The following C9orf153 variants were observed in gnomAD, a reference collection of about 807,000 sequenced individuals.
The protein encoded by C9orf153 is uncharacterized protein C9orf153.
A neutral mutation model predicts 9.0 loss-of-function variants in C9orf153; 10 were observed. The ratio of observed to expected loss-of-function variants is 1.11; its 90% CI spans 0.69 to 1.89. C9orf153 has a LOEUF of 1.89. Among genes scored for constraint, C9orf153 ranks in the 40% most tolerant of loss-of-function variants. The pLI, the probability that C9orf153 is intolerant of heterozygous loss-of-function variation, is 0.00. For missense variants in C9orf153, 108 were observed against 111.0 expected, an observed-to-expected ratio of 0.97 and a Z score of 0.12; for synonymous variants, 35 against 37.3, an observed-to-expected ratio of 0.94 and a Z score of 0.23.
chr9:86,225,124 C>T (rs1476360304), intron 3 of C9orf153, among the ~76,000 whole-genome samples: 1 of 151,974 alleles, frequency 6.6e-6, no homozygotes, highest in African/African-American at 2.4e-5. Context: ...ACGGCAACAC[C>T]CACTCTCTTT....
At chr9:86,256,563 A>G (rs1390372905) in intron 1 of C9orf153, among the ~76,000 whole-genome samples, 1 of 152,198 alleles carries the variant, frequency 6.6e-6, no homozygotes, top group Non-Finnish European at 1.5e-5. Context: ...AATCATTACT[A>G]TGTTATTTTC....
rs1824416654 is a variant in C9orf153, at chr9:86,229,551, A to C, written c.53T>G (p.Leu18Arg). 6.2e-7 allele frequency: 1 copy of C among 1,610,040 alleles called. No homozygotes were observed. The highest frequency in any genetic ancestry group is 1.3e-5 in the African/African-American group (1 of 74,848). ...SPAEDNREAT[L>R]PQCSLPELYA... ...TTAAGTACATACTGAACATTGAGGA[A>C]GGGTGGCTTCTCTATTGTCCTCAGC... Residue 18 changes from leucine (L) to arginine (R), a missense_variant, in exon 2 of 4, where the codon CTT becomes CGT. Physicochemically the swap from Leu to Arg is moderately radical, Grantham distance 102 (BLOSUM62 -2). Transcript: ENST00000339137.
chr9:86,248,203 G>A (rs1291771665), intron 1 of C9orf153, among the ~76,000 whole-genome samples: 1 of 151,008 alleles, frequency 6.6e-6, no homozygotes, highest in Admixed American at 6.6e-5. Context: ...GTGAGATCTC[G>A]GCTCACTGCA....
intron 1 of C9orf153, among the ~76,000 whole-genome samples, chr9:86,252,262 G>C (rs1382204974): frequency 6.6e-6 from 1 of 152,132 alleles, no homozygotes; most frequent in Non-Finnish European, 1.5e-5. Context: ...TCAAACTCCT[G>C]ACCTCAAATG....
intron 1 of C9orf153, among the ~76,000 whole-genome samples, chr9:86,256,850 T>G (rs1825131845): frequency 6.6e-6 from 1 of 152,210 alleles, no homozygotes; most frequent in Non-Finnish European, 1.5e-5. Flanking sequence ...GAACAGCGCA[T>G]AGCCAGTCAA....
At chr9:86,257,647 A>G (rs1825151244) in intron 1 of C9orf153, among the ~76,000 whole-genome samples, 1 of 152,212 alleles carries the variant, frequency 6.6e-6, no homozygotes, top group East Asian at 1.9e-4. Flanking sequence ...GTAGGCACTC[A>G]GTAATTTTAG....
At chr9:86,257,938 G>A (rs975608745) in intron 1 of C9orf153, among the ~76,000 whole-genome samples, 2 of 152,308 alleles carry the variant, frequency 1.3e-5, no homozygotes, top group South Asian at 2.1e-4. Flanking sequence ...TAACGTGGAG[G>A]GGGAGAGAGC....
intron 1 of C9orf153, among the ~76,000 whole-genome samples, chr9:86,249,558 T>C (rs200779220): frequency 7.9e-5 from 6 of 75,988 alleles, no homozygotes; most frequent in African/African-American, 2.5e-4. Context: ...CTTTTTTTTT[T>C]TTTTTTTTGA....
At chr9:86,250,411 G>A (rs190723307) in intron 1 of C9orf153, among the ~76,000 whole-genome samples, 4 of 152,104 alleles carry the variant, frequency 2.6e-5, no homozygotes, top group Non-Finnish European at 4.4e-5. Flanking sequence ...AGGTCACAGA[G>A]GCCTTGAGGC....
At chr9:86,255,713 G>A (rs1463910913) in intron 1 of C9orf153, among the ~76,000 whole-genome samples, 1 of 152,148 alleles carries the variant, frequency 6.6e-6, no homozygotes, top group Admixed American at 6.5e-5. Context: ...TGGGCGTTTG[G>A]AGCAATCATT....
At chr9:86,243,459 T>C (rs538117577) in intron 1 of C9orf153, among the ~76,000 whole-genome samples, 4 of 136,940 alleles carry the variant, frequency 2.9e-5, no homozygotes, top group African/African-American at 1.2e-4. Flanking sequence ...TTTTTTCTTT[T>C]TCTTTTCTTC....
At position 86,249,450 on chromosome 9, in the gene C9orf153, G is replaced by A. The variant is rs1824944518; in HGVS notation, c.-27+10100C>T. ...TCTTCTTCATGTATATATACAATACGTATCAAAAGCAGTAAACTAGCTCAC... is the reference window on the plus strand; with the variant it reads ...TCTTCTTCATGTATATATACAATACATATCAAAAGCAGTAAACTAGCTCAC... On this transcript the variant is annotated intron_variant, in intron 1 of 3. Coordinates refer to ENST00000339137, the MANE Select transcript of C9orf153 (RefSeq NM_001276366.4). 2.0e-5 allele frequency among the ~76,000 whole-genome samples: 3 copies of A among 151,768 alleles called. No homozygotes were observed. The South Asian group carries it at 6.2e-4, about 32-fold the overall frequency.
In C9orf153 at chr9:86,221,629, T is replaced by C. The variant is rs911560024; in HGVS notation, c.*59A>G. The C allele has an allele frequency of 5.3e-5, 82 of 1,539,532 alleles. No homozygotes were observed. The highest frequency in any genetic ancestry group is 1.0e-4 in the Admixed American group (5 of 49,184). On this transcript the variant is annotated 3_prime_UTR_variant, in exon 4 of 4. Transcript: ENST00000339137. ...TGGCTCTCTACAAATCTCTTCTCAGTGTTGTATTTTATGTCTCCGAATGAA... is the reference window on the plus strand; with the variant it reads ...TGGCTCTCTACAAATCTCTTCTCAGCGTTGTATTTTATGTCTCCGAATGAA...
At chr9:86,244,805 C>T (rs1263801829) in intron 1 of C9orf153, among the ~76,000 whole-genome samples, 2 of 152,136 alleles carry the variant, frequency 1.3e-5, no homozygotes, top group Non-Finnish European at 2.9e-5. Context: ...TAGCATTCTC[C>T]TCCTTTTTTA....
At chr9:86,257,670 A>T (rs573907892) in intron 1 of C9orf153, among the ~76,000 whole-genome samples, 340 of 152,316 alleles carry the variant, frequency 2.2e-3, no homozygotes, top group Non-Finnish European at 4.3e-3. Context: ...CTTCTGCTTT[A>T]GTTGTCAGAG....
chr9:86,257,799 T>C (rs1825155731), intron 1 of C9orf153, among the ~76,000 whole-genome samples: 1 of 152,162 alleles, frequency 6.6e-6, no homozygotes, highest in African/African-American at 2.4e-5. Flanking sequence ...AAGTCTGTGG[T>C]CTTGGCCAGG....
At chr9:86,255,791 C>T (rs1434234296) in intron 1 of C9orf153, among the ~76,000 whole-genome samples, 4 of 152,104 alleles carry the variant, frequency 2.6e-5, no homozygotes, top group South Asian at 2.1e-4. Flanking sequence ...CTGCCTTTTG[C>T]GAGTTATTTT....
chr9:86,240,326 G>A (rs943947759), intron 1 of C9orf153, among the ~76,000 whole-genome samples: 1 of 151,110 alleles, frequency 6.6e-6, no homozygotes, highest in Non-Finnish European at 1.5e-5. Flanking sequence ...GGATAAATAT[G>A]ATCTTGCCGC....
intron 1 of C9orf153, among the ~76,000 whole-genome samples, chr9:86,240,787 C>A (rs1343200169): frequency 6.9e-6 from 1 of 144,046 alleles, no homozygotes; most frequent in Non-Finnish European, 1.5e-5. Context: ...TGGCTCACTG[C>A]AACCTCCACC....
Sources: allele counts gnomAD v4.1 joint callset (sites outside exome capture counted in the v4.1 genomes callset), GRCh38; gene constraint gnomAD v4.1.1; transcripts MANE v1.5; gene names NCBI Gene and HGNC (gene_info 2026-07-23, HGNC 2026-07-21).